Variants in ERN1 observed in about 807,000 individuals in gnomAD.
ERN1 encodes the protein endoplasmic reticulum to nucleus signaling 1.
In ERN1, 39 loss-of-function variants were observed where a neutral mutation model predicts 113.1. The ratio of observed to expected loss-of-function variants is 0.34; its 90% CI spans 0.27 to 0.45. The LOEUF (loss-of-function observed/expected upper bound fraction) is 0.45. Ranked by LOEUF, ERN1 falls within the 20% of genes least tolerant of loss-of-function variation. The pLI is 1.00. For synonymous variants in ERN1, 507 were observed against 515.9 expected (o/e 0.98, Z 0.23); for missense variants, 976 against 1,274.8 (o/e 0.77, Z 3.57).
chr17:64,071,838 G>T, intron 6 of ERN1, 143 bp downstream of exon 6: 1 of 827,070 alleles, frequency 1.2e-6, no homozygotes, highest in Non-Finnish European at 1.9e-6. Context: ...GGACACTGAA[G>T]GGTCTTATAA....
Position 64,047,951 on chromosome 17 carries a change from C to T in ERN1, c.2436G>A (p.Met812Ile), listed in dbSNP as rs771417342. 3 of 1,613,380 alleles carry T rather than the reference C, an allele frequency of 1.9e-6. No individual in the cohort carries two copies. The highest frequency in any genetic ancestry group is 1.3e-5 in the African/African-American group (1 of 75,052). ...GGCGTTTCTGAGGATCCATCGCAAT[C>T]ATCTTCTCTATCAATTCACGTGCAA... The part of the protein sequence containing the change: ...DVIARELIEK[M>I]IAMDPQKRPS... Residue 812 changes from methionine to isoleucine, a missense_variant, in exon 19 of 22, where the codon ATG becomes ATA. This residue lies in a region of ERN1 where 297 missense variants were observed against 457.8 expected (regional missense o/e 0.65). Coordinates refer to ENST00000433197, the MANE Select transcript of ERN1 (RefSeq NM_001433.5).
chr17:64,091,477 C>A (rs1035682101), intron 2 of ERN1, among the ~76,000 whole-genome samples: 1 of 152,168 alleles, frequency 6.6e-6, no homozygotes, highest in Non-Finnish European at 1.5e-5. Flanking sequence ...AGGTAGAAAT[C>A]CACTAGGAAG....
intron 7 of ERN1, among the ~76,000 whole-genome samples, chr17:64,067,427 CAAA>C (rs5821418): frequency 1.1e-4 from 9 of 83,062 alleles, no homozygotes; most frequent in Admixed American, 1.3e-4. Context: ...CCCGTCTCTA[CAAA>C]AAAAAAAAAA....
chr17:64,071,620 C>T (rs1913420938), intron 6 of ERN1, among the ~76,000 whole-genome samples: 2 of 152,122 alleles, frequency 1.3e-5, no homozygotes, highest in Non-Finnish European at 2.9e-5. Flanking sequence ...TGGGGTTTCG[C>T]CATGTTGGTC....
chr17:64,063,892 C>T lies in ERN1; in HGVS notation c.1087+94G>A, dbSNP rs926257092. 25 of 1,241,444 alleles carry T rather than the reference C, an allele frequency of 2.0e-5. No individual in the cohort carries two copies. The African/African-American group carries it at 3.4e-4, about 17-fold the overall frequency. 76.9% of individuals were successfully genotyped at this position (1,241,444 alleles called of 1,614,324 possible). ...GAAGGGCTCTGAGCACAAGGCCTTC[C>T]GAGCTCAGTACGGTGTAACTACCAG... is the stretch of plus-strand genomic sequence containing the variant. On this transcript the variant is annotated intron_variant, in intron 10 of 21. Coordinates refer to ENST00000433197, the MANE Select transcript of ERN1 (RefSeq NM_001433.5). This position sits in a 1 kb window ranked among gnomAD's most constrained non-coding sequence, Gnocchi z 5.1.
intron 6 of ERN1, among the ~76,000 whole-genome samples, chr17:64,070,925 T>C (rs1257948987): frequency 6.6e-6 from 1 of 152,196 alleles, no homozygotes. Flanking sequence ...ATTGAGCCCC[T>C]GCTACACATC....
chr17:64,109,200 T>C (rs1914610510), intron 1 of ERN1, among the ~76,000 whole-genome samples: 1 of 152,152 alleles, frequency 6.6e-6, no homozygotes, highest in Non-Finnish European at 1.5e-5. Flanking sequence ...TACCAAGTTT[T>C]TCAGTCCTGG....
chr17:64,096,064 T>C (rs1412529274), intron 2 of ERN1, among the ~76,000 whole-genome samples: 2 of 152,162 alleles, frequency 1.3e-5, no homozygotes, highest in African/African-American at 4.8e-5. Context: ...AAGGTCTGCC[T>C]TTTTCATTTT....
intron 2 of ERN1, among the ~76,000 whole-genome samples, chr17:64,097,371 G>A (rs929208190): frequency 2.0e-5 from 3 of 152,202 alleles, no homozygotes; most frequent in Admixed American, 2.0e-4. Flanking sequence ...TGAAAGTAAT[G>A]AGTCACAGAG....
intron 1 of ERN1, among the ~76,000 whole-genome samples, chr17:64,115,139 G>A (rs1485368763): frequency 6.6e-6 from 1 of 152,116 alleles, no homozygotes. Flanking sequence ...ACAAGAGGCA[G>A]AAATCTTGGG....
chr17:64,047,261 C>A (rs1912540947), intron 19 of ERN1, among the ~76,000 whole-genome samples: 1 of 152,188 alleles, frequency 6.6e-6, no homozygotes, highest in African/African-American at 2.4e-5. Context: ...ACTCAGGAAG[C>A]TGAGGCAGGA....
chr17:64,119,376 G>GTTTTT lies in ERN1; in HGVS notation c.54+10595_54+10599dup, dbSNP rs3044073. ...TAATATTAGGTTCCTTTTTTTCTAG[G>GTTTTT]TTTTTTTTTTTTTTTTTTTTTTTTT... On this transcript the variant is annotated intron_variant, in intron 1 of 21. Transcript: ENST00000433197. 5.5e-4 allele frequency among the ~76,000 whole-genome samples: 43 copies of GTTTTT among 77,904 alleles called. 1 individual carries two copies. The highest frequency in any genetic ancestry group is 9.5e-4 in the African/African-American group (17 of 17,950). 51.1% of individuals were successfully genotyped at this position (77,904 alleles called of 152,430 possible). A position where few individuals can be genotyped will look rare whatever the true frequency, so the allele number is the denominator to read the frequency against.
At chr17:64,056,487 T>C (rs1912874309) in intron 12 of ERN1, among the ~76,000 whole-genome samples, 1 of 152,138 alleles carries the variant, frequency 6.6e-6, no homozygotes, top group Non-Finnish European at 1.5e-5. Flanking sequence ...AGCCAGGAGG[T>C]GGCAGTGGGG....
rs750705699 is a variant in ERN1, at chr17:64,052,800, C to T, written c.2233G>A (p.Glu745Lys). 19 of 1,613,838 alleles carry T rather than the reference C, an allele frequency of 1.2e-5. No individual in the cohort carries two copies. The highest frequency in any genetic ancestry group is 5.0e-5 in the Admixed American group (3 of 60,010). The change falls in exon 17 of 22, where the codon GAA (glutamate) becomes AAA (lysine). Residue 745 changes from glutamate to lysine, a missense_variant. Transcript: ENST00000433197. ...EGWIAPEMLS[E>K]DCKENPTYTV... The stretch of plus-strand genomic sequence containing the variant: ...CTCACAGGGTTCTCCTTACAGTCTT[C>T]GCTCAGCATCTCTGGAGCGATCCAG...
At chr17:64,104,734 G>A (rs550493969) in intron 1 of ERN1, among the ~76,000 whole-genome samples, 1 of 151,974 alleles carries the variant, frequency 6.6e-6, no homozygotes, top group Non-Finnish European at 1.5e-5. Flanking sequence ...CAGGAGAATC[G>A]CTTGAATCCA....
intron 8 of ERN1, among the ~76,000 whole-genome samples, chr17:64,066,000 C>G (rs1276121526): frequency 6.6e-6 from 1 of 152,162 alleles, no homozygotes; most frequent in African/African-American, 2.4e-5. Flanking sequence ...GTTTTACAAT[C>G]TAAACACTTG....
At chr17:64,121,646 T>G (rs184750701) in intron 1 of ERN1, among the ~76,000 whole-genome samples, 216 of 152,304 alleles carry the variant, frequency 1.4e-3, no homozygotes, top group African/African-American at 5.1e-3. Flanking sequence ...CCCGCCACCA[T>G]GCCTGGCTAA....
chr17:64,064,208 C>T, intron 9 of ERN1, 57 bp from the exon 10 acceptor site: 1 of 1,510,032 alleles, frequency 6.6e-7, no homozygotes, highest in Non-Finnish European at 8.9e-7. Flanking sequence ...GGTCCCACGG[C>T]ACACCATCCC....
chr17:64,094,246 G>A (rs1914166689), intron 2 of ERN1, among the ~76,000 whole-genome samples: 1 of 152,186 alleles, frequency 6.6e-6, no homozygotes, highest in Non-Finnish European at 1.5e-5. Context: ...TGGAAATCCA[G>A]TTGCCGTGGC....
Sources: gnomAD v4.1 joint callset for allele counts (sites outside exome capture counted in the v4.1 genomes callset) on GRCh38, gnomAD v4.1.1 for gene constraint, gnomAD v4.1.1 regional missense constraint, Gnocchi (gnomAD v3.1) non-coding constraint, MANE v1.5 for transcripts, NCBI Gene and HGNC (gene_info 2026-07-23, HGNC 2026-07-21) for gene names.